SLC24A3: variants seen among roughly 807,000 people sequenced by gnomAD.
SLC24A3 encodes the protein sodium/potassium/calcium exchanger 3.
In SLC24A3, 28 loss-of-function variants were observed where a neutral mutation model predicts 75.8. The observed-to-expected ratio is 0.37, with a 90% CI of 0.27 to 0.51. SLC24A3 has a LOEUF of 0.51. Among genes scored for constraint, SLC24A3 ranks in the 20% least tolerant of loss-of-function variants. The pLI, the probability that SLC24A3 is intolerant of heterozygous loss-of-function variation, is 0.94. For missense variants in SLC24A3, 663 were observed against 847.8 expected, an observed-to-expected ratio of 0.78 and a Z score of 2.71; for synonymous variants, 372 against 334.1, an observed-to-expected ratio of 1.11 and a Z score of -1.24.
At chr20:19,621,478 G>T (rs1166072868) in intron 6 of SLC24A3, among the ~76,000 whole-genome samples, 1 of 152,140 alleles carries the variant, frequency 6.6e-6, no homozygotes, top group African/African-American at 2.4e-5. Context: ...TGACCCTCTT[G>T]GTTAGAGTGT....
At chr20:19,292,364 T>G (rs183481597) in intron 2 of SLC24A3, among the ~76,000 whole-genome samples, 6 of 152,284 alleles carry the variant, frequency 3.9e-5, no homozygotes, top group Non-Finnish European at 8.8e-5. Context: ...CGTGGGAGTT[T>G]TCTACTATGG....
chr20:19,342,848 A>G (rs1340087290), intron 2 of SLC24A3, among the ~76,000 whole-genome samples: 1 of 152,098 alleles, frequency 6.6e-6, no homozygotes, highest in Non-Finnish European at 1.5e-5. Context: ...AGGCAGGAGG[A>G]TCACGAGGTG....
At chr20:19,590,279 G>A (rs971269067) in intron 6 of SLC24A3, among the ~76,000 whole-genome samples, 8 of 151,998 alleles carry the variant, frequency 5.3e-5, no homozygotes, top group African/African-American at 1.7e-4. Context: ...ACCACAGATG[G>A]AGGACTCAGG....
chr20:19,662,098 G>T (rs768656239), intron 7 of SLC24A3, among the ~76,000 whole-genome samples: 1 of 148,680 alleles, frequency 6.7e-6, no homozygotes, highest in Non-Finnish European at 1.5e-5. Flanking sequence ...GGTATCTTTG[G>T]ATGAACCACA....
intron 1 of SLC24A3, among the ~76,000 whole-genome samples, chr20:19,272,898 C>T (rs551251925): frequency 1.7e-4 from 26 of 152,188 alleles, no homozygotes; most frequent in South Asian, 6.2e-4. Context: ...GGGTCAGGGA[C>T]GGGTGATGGA....
At position 19,538,126 on chromosome 20, in the gene SLC24A3, C is replaced by T. The variant is rs181835824; in HGVS notation, c.348+22562C>T. 6.0e-3 allele frequency among the ~76,000 whole-genome samples: 909 copies of T among 152,208 alleles called. 6 individuals are homozygous for T. The highest frequency in any genetic ancestry group is 0.027 in the Middle Eastern group (8 of 294). On this transcript the variant is annotated intron_variant, in intron 3 of 16. Transcript: ENST00000328041. ...TACATGTTAAGCCACGGTGTGGTTT[C>T]CATTGGTAAGAAGGTGGCAACGGTC...
chr20:19,288,778 A>G (rs543113695), intron 2 of SLC24A3, among the ~76,000 whole-genome samples: 1 of 152,326 alleles, frequency 6.6e-6, no homozygotes, highest in Non-Finnish European at 1.5e-5. Flanking sequence ...CTTTTCCTCT[A>G]AGCCAGGGCT....
At chr20:19,626,459 G>C (rs1200525223) in intron 6 of SLC24A3, among the ~76,000 whole-genome samples, 1 of 152,198 alleles carries the variant, frequency 6.6e-6, no homozygotes, top group African/African-American at 2.4e-5. Flanking sequence ...GAAGGTGACA[G>C]AAAAGGGTGT....
chr20:19,277,127 A>T (rs1176514074), intron 1 of SLC24A3, among the ~76,000 whole-genome samples: 1 of 152,190 alleles, frequency 6.6e-6, no homozygotes, highest in Non-Finnish European at 1.5e-5. Flanking sequence ...CTATCCCAGG[A>T]TCTACCAAGA....
rs74499835 is a variant in SLC24A3, at chr20:19,290,170, C to T, written c.271+9083C>T. ...AGCCATCTGGGTTGTAACAAGCCCT[C>T]CAGGGGCTTGTGAGGCACACTCAAG... On this transcript the variant is annotated intron_variant, in intron 2 of 16. Coordinates refer to ENST00000328041, the MANE Select transcript of SLC24A3 (RefSeq NM_020689.4). 2.0e-5 allele frequency among the ~76,000 whole-genome samples: 3 copies of T among 152,224 alleles called. No individual in the cohort carries two copies. The East Asian group carries it at 5.8e-4, about 29-fold the overall frequency.
At chr20:19,515,072 A>G (rs895312319) in intron 2 of SLC24A3, among the ~76,000 whole-genome samples, 12 of 152,256 alleles carry the variant, frequency 7.9e-5, no homozygotes, top group African/African-American at 2.9e-4. Context: ...CAAAGTACAT[A>G]AGGTTACACA....
At chr20:19,431,004 G>A (rs1019566765) in intron 2 of SLC24A3, among the ~76,000 whole-genome samples, 3 of 152,116 alleles carry the variant, frequency 2.0e-5, no homozygotes, top group Admixed American at 2.0e-4. Flanking sequence ...CAGGACCCCA[G>A]CACAGACAGG....
At chr20:19,501,844 C>A (rs1212646198) in intron 2 of SLC24A3, among the ~76,000 whole-genome samples, 1 of 152,130 alleles carries the variant, frequency 6.6e-6, no homozygotes, top group Non-Finnish European at 1.5e-5. Context: ...GGCTTTCCAT[C>A]CTAGCTTGTC....
chr20:19,650,642 C>A (rs1406969), intron 6 of SLC24A3, among the ~76,000 whole-genome samples: 97,042 of 151,602 alleles, frequency 0.64, 31,826 homozygotes, highest in African/African-American at 0.75. Context: ...TTTTAGCCCC[C>A]CCTTCTCACT....
intron 2 of SLC24A3, among the ~76,000 whole-genome samples, chr20:19,400,830 C>T (rs1458323842): frequency 6.6e-6 from 1 of 152,206 alleles, no homozygotes; most frequent in Non-Finnish European, 1.5e-5. Flanking sequence ...TTGGGGATCA[C>T]TGCCCTTTTG....
At chr20:19,596,104 G>C (rs910954149) in intron 6 of SLC24A3, among the ~76,000 whole-genome samples, 2 of 152,140 alleles carry the variant, frequency 1.3e-5, no homozygotes, top group South Asian at 4.1e-4. Flanking sequence ...GGGAAGCTAC[G>C]GGAGAGTTTT....
intron 2 of SLC24A3, among the ~76,000 whole-genome samples, chr20:19,414,132 A>T (rs1986790982): frequency 6.6e-6 from 1 of 152,212 alleles, no homozygotes; most frequent in South Asian, 2.1e-4. Context: ...TTGCCCTATC[A>T]AATTAACAAA....
At chr20:19,612,920 C>A (rs1251483084) in intron 6 of SLC24A3, among the ~76,000 whole-genome samples, 1 of 152,216 alleles carries the variant, frequency 6.6e-6, no homozygotes, top group African/African-American at 2.4e-5. Flanking sequence ...TCCTCACCTA[C>A]AGTCCAACCC....
At chr20:19,318,036 G>A (rs970819215) in intron 2 of SLC24A3, among the ~76,000 whole-genome samples, 11 of 152,200 alleles carry the variant, frequency 7.2e-5, no homozygotes, top group African/African-American at 2.4e-4. Context: ...GGAAATGTCA[G>A]AGAATTAACG....
Sources: allele counts gnomAD v4.1 joint callset (sites outside exome capture counted in the v4.1 genomes callset), GRCh38; gene constraint gnomAD v4.1.1; transcripts MANE v1.5; gene names NCBI Gene and HGNC (gene_info 2026-07-23, HGNC 2026-07-21).